AMOT: variants seen among roughly 807,000 people sequenced by gnomAD.
AMOT encodes the protein angiomotin.
Under a neutral mutation model 67.0 loss-of-function variants are expected in AMOT, and 11 were observed. The observed-to-expected ratio is 0.16, with a 90% CI of 0.10 to 0.27. AMOT has a LOEUF of 0.27. AMOT is among the 10% of genes least tolerant of loss of function. The probability of loss-of-function intolerance (pLI) is 1.00; values close to 1 mark genes in which losing one functional copy is unlikely to be tolerated. For synonymous variants in AMOT, 326 were observed against 321.4 expected, an observed-to-expected ratio of 1.01 and a Z score of -0.15; for missense variants, 753 against 852.0, an observed-to-expected ratio of 0.88 and a Z score of 1.45.
intron 2 of AMOT, among the ~76,000 whole-genome samples, chrX:112,831,829 G>GA (rs397750640): frequency 0.28 from 27,441 of 97,386 alleles, 5,471 homozygotes; most frequent in African/African-American, 0.67. Flanking sequence ...GACTTCTGGG[G>GA]AAAAAAAAAA....
At chrX:112,788,311 G>C (rs1933450410) in intron 10 of AMOT, among the ~76,000 whole-genome samples, 1 of 109,555 alleles carries the variant, frequency 9.1e-6, no homozygotes, top group African/African-American at 3.3e-5. Flanking sequence ...AAATTATTTT[G>C]AAAGAAAAGA....
In AMOT at chrX:112,809,705, G is replaced by C. The variant is rs879010969; in HGVS notation, c.1630+189C>G. On this transcript the variant is annotated intron_variant, in intron 7 of 13. Coordinates refer to ENST00000371959, the MANE Select transcript of AMOT (RefSeq NM_001113490.2). ...GTGATGTGACGAGATGTTGTGGCAA[G>C]CAGCCTTCTTGGCTTAGGAGGAAAA... Among the ~76,000 whole-genome samples, 3 of 111,102 alleles carry C rather than the reference G, an allele frequency of 2.7e-5. No homozygotes were observed. In the South Asian group the frequency reaches 1.1e-3, roughly 42 times the overall value.
chrX:112,785,986 C>A (rs1683734155), intron 10 of AMOT, among the ~76,000 whole-genome samples: 2 of 112,266 alleles, frequency 1.8e-5, no homozygotes, highest in African/African-American at 6.5e-5. Context: ...TTTAGGTACA[C>A]TGGAGTGAAA....
At chrX:112,831,488 T>TAAAAAAAA (rs1556248501) in intron 2 of AMOT, among the ~76,000 whole-genome samples, 2 of 103,151 alleles carry the variant, frequency 1.9e-5, no homozygotes, top group Admixed American at 1.0e-4. Context: ...AATAAATAAA[T>TAAAAAAAA]AAAAAGAGAG....
At chrX:112,809,221 C>T (rs752899889) in intron 7 of AMOT, among the ~76,000 whole-genome samples, 7 of 112,025 alleles carry the variant, frequency 6.2e-5, no homozygotes, top group Non-Finnish European at 1.1e-4. Context: ...GTTTTTATTG[C>T]TGGTTTTATT....
At position 112,779,622 on chromosome X, in the gene AMOT, C is replaced by T; in HGVS notation, c.2532G>A (p.Val844=). 8.3e-6 allele frequency: 10 copies of T among 1,210,859 alleles called. No homozygotes were observed. The highest frequency in any genetic ancestry group is 1.1e-5 in the Non-Finnish European group (10 of 895,303). Residue 844 remains valine (V), a synonymous_variant, in exon 13 of 14, where the codon GTG becomes GTA. Transcript: ENST00000371959. ...CCGAGAGCAGGGGAGTCGAGGGTGGCACAGGCGAGGGTGTGGAAGGGACAT... is the reference window on the plus strand; with the variant it reads ...CCGAGAGCAGGGGAGTCGAGGGTGGTACAGGCGAGGGTGTGGAAGGGACAT... The part of the protein sequence containing the change: ...AEYVPSTPSP[V]PPSTPLLSAH...
At chrX:112,813,402 C>A (rs1357413994) in intron 5 of AMOT, among the ~76,000 whole-genome samples, 1 of 111,304 alleles carries the variant, frequency 9.0e-6, no homozygotes, top group Non-Finnish European at 1.9e-5. Context: ...AGCCTCAGGC[C>A]TTTTCATTTC....
At chrX:112,835,075 T>C (rs1717992669) in intron 1 of AMOT, among the ~76,000 whole-genome samples, 1 of 112,289 alleles carries the variant, frequency 8.9e-6, no homozygotes, top group Non-Finnish European at 1.9e-5. Context: ...CAAGACCCTA[T>C]AATAAGCCTG....
intron 8 of AMOT, 32 bp downstream of exon 8, chrX:112,804,915 C>CCCCCCCGCAAAATGGAA: frequency 8.4e-7 from 1 of 1,191,153 alleles, no homozygotes; most frequent in African/African-American, 1.7e-5. Flanking sequence ...CCTCCCACCC[C>CCCCCCCGCAAAATGGAA]CAGGCTCATA....
In AMOT at chrX:112,782,486, T is replaced by C; in HGVS notation, c.2240+54A>G. Reference sequence around the variant, plus strand: ...TTCCTAGCTGTGAATAAAGATCCTATGTGGTCTCTATATCAATGTCTCAGA... The same window carrying C: ...TTCCTAGCTGTGAATAAAGATCCTACGTGGTCTCTATATCAATGTCTCAGA... On this transcript the variant is annotated intron_variant, in intron 11 of 13. Coordinates refer to ENST00000371959, the MANE Select transcript of AMOT (RefSeq NM_001113490.2). 6.6e-6 allele frequency: 8 copies of C among 1,203,268 alleles called. No individual in the cohort carries two copies. The South Asian group carries it at 1.2e-4, about 19-fold the overall frequency.
At chrX:112,828,887 T>G (rs768868251) in intron 2 of AMOT, among the ~76,000 whole-genome samples, 1 of 112,777 alleles carries the variant, frequency 8.9e-6, no homozygotes, top group South Asian at 3.7e-4. Context: ...CCACTGATTT[T>G]CCAGTTCCAT....
chrX:112,806,728 T>C (rs1385518809), intron 7 of AMOT, among the ~76,000 whole-genome samples: 3 of 111,976 alleles, frequency 2.7e-5, no homozygotes, highest in African/African-American at 9.7e-5. Context: ...TACACTTTGG[T>C]CCATACACTA....
chrX:112,825,467 T>C (rs1934820301), intron 2 of AMOT, among the ~76,000 whole-genome samples: 1 of 111,597 alleles, frequency 9.0e-6, no homozygotes, highest in African/African-American at 3.3e-5. Flanking sequence ...TGAGACTTGC[T>C]CTGTTCTGAC....
chrX:112,819,404 T>C, intron 4 of AMOT: 1 of 754,393 alleles, frequency 1.3e-6, no homozygotes, highest in Non-Finnish European at 1.6e-6. Context: ...AAATTCCTGA[T>C]GGTTTCTCTT....
chrX:112,796,350 A>G (rs910936709), intron 8 of AMOT, among the ~76,000 whole-genome samples: 3 of 112,225 alleles, frequency 2.7e-5, no homozygotes, highest in East Asian at 2.8e-4. Context: ...AAGAATTTCC[A>G]AAGCCAAGAT....
At chrX:112,800,033 G>A (rs940882880) in intron 8 of AMOT, among the ~76,000 whole-genome samples, 4 of 111,146 alleles carry the variant, frequency 3.6e-5, no homozygotes, top group African/African-American at 1.3e-4. Context: ...AGGAGTTCGA[G>A]AACAGCCTGG....
intron 1 of AMOT, among the ~76,000 whole-genome samples, chrX:112,833,749 T>C (rs1353498578): frequency 2.7e-5 from 3 of 112,361 alleles, no homozygotes; most frequent in East Asian, 2.8e-4. Context: ...AATGTGATCA[T>C]TGTATATAAA....
rs189124067 is a variant in AMOT, at chrX:112,806,518, A to T, written c.1631-1426T>A. Among the ~76,000 whole-genome samples, 770 of 109,391 alleles carry T rather than the reference A, an allele frequency of 7.0e-3. 9 individuals are homozygous for T. Among genetic ancestry groups the T allele is most frequent in the African/African-American group, 0.024 (731 of 30,020 alleles). 95.0% of individuals were successfully genotyped at this position (109,391 alleles called of 115,157 possible). ...TAATGGTCTTTCTGGCTTGGGTTTT[A>T]AAGAGAGCTCAGTTTAGCAGCACCT... On this transcript the variant is annotated intron_variant, in intron 7 of 13. Coordinates refer to ENST00000371959, the MANE Select transcript of AMOT (RefSeq NM_001113490.2).
At chrX:112,785,707 G>A (rs763802189) in intron 10 of AMOT, among the ~76,000 whole-genome samples, 1 of 112,077 alleles carries the variant, frequency 8.9e-6, no homozygotes, top group South Asian at 3.7e-4. Context: ...CTGGAATCAG[G>A]CAGACCAGTC....
Sources: gnomAD v4.1 joint callset for allele counts (sites outside exome capture counted in the v4.1 genomes callset) on GRCh38, gnomAD v4.1.1 for gene constraint, MANE v1.5 for transcripts, NCBI Gene and HGNC (gene_info 2026-07-23, HGNC 2026-07-21) for gene names.